The following MYO1H variants were observed in gnomAD, a reference collection of about 807,000 sequenced individuals.
MYO1H encodes the protein unconventional myosin-Ih.
In MYO1H, 118 loss-of-function variants were observed where a neutral mutation model predicts 149.3. The observed-to-expected ratio is 0.79, with a 90% CI of 0.68 to 0.92. MYO1H has a LOEUF of 0.92. Among genes scored for constraint, MYO1H ranks in the 40% least tolerant of loss-of-function variants. The pLI, the probability that MYO1H is intolerant of heterozygous loss-of-function variation, is 0.00. For missense variants in MYO1H, 1,212 were observed against 1,280.7 expected (o/e 0.95, Z 0.82); for synonymous variants, 447 against 465.2 (o/e 0.96, Z 0.50).
rs761313741 is a variant in MYO1H, at chr12:109,445,552, A to G, written c.3033A>G (p.Ile1011Met). The G allele has an allele frequency of 1.2e-5, 19 of 1,612,942 alleles. No homozygotes were observed. The Middle Eastern group carries it at 8.3e-4, about 70-fold the overall frequency. Residue 1011 changes from isoleucine to methionine, a missense_variant, in exon 31 of 32, where the codon ATA (isoleucine) becomes ATG (methionine). By Grantham distance (10) the Ile-to-Met change is conservative (BLOSUM62 1). Coordinates refer to ENST00000310903, the Ensembl canonical transcript of MYO1H. ...TTAGTCCGGGAAAAGAAGGCACAAT[A>G]GTTTTCGACACTGGACTGGAAGAAC...
intron 15 of MYO1H, among the ~76,000 whole-genome samples, chr12:109,417,107 GT>G (rs1009190844): frequency 6.6e-6 from 1 of 152,136 alleles, no homozygotes; most frequent in African/African-American, 2.4e-5. Context: ...GGAGGCAGAG[GT>G]TGCAGTGAGC....
chr12:109,380,540 G>A (rs2137024705), intron 1 of MYO1H, among the ~76,000 whole-genome samples: 1 of 152,330 alleles, frequency 6.6e-6, no homozygotes, highest in East Asian at 1.9e-4. Context: ...TGGTGACAGT[G>A]TTGGTATTAT....
At chr12:109,310,587 A>G in the MYO1H span, among the ~76,000 whole-genome samples, 1 of 148,796 alleles carries the variant, frequency 6.7e-6, no homozygotes, top group Non-Finnish European at 1.5e-5. Context: ...CAGGCAGGGG[A>G]CCAGTGTCCC....
At chr12:109,367,269 A>G (rs917699188) in intron 1 of MYO1H, among the ~76,000 whole-genome samples, 1 of 152,224 alleles carries the variant, frequency 6.6e-6, no homozygotes, top group Non-Finnish European at 1.5e-5. Flanking sequence ...CAAATGAAAG[A>G]CAAAAATAAG....
At chr12:109,443,297 T>TAC (rs1197626242) in intron 27 of MYO1H, among the ~76,000 whole-genome samples, 1 of 146,000 alleles carries the variant, frequency 6.8e-6, no homozygotes, top group African/African-American at 2.5e-5. Flanking sequence ...TATATATGTG[T>TAC]GTATATATGT....
rs559303184 is a variant in MYO1H at position 109,369,313 on chromosome 12, A to G, written c.13-19370A>G. Among the ~76,000 whole-genome samples the G allele has an allele frequency of 1.4e-3, 219 of 152,290 alleles. 1 individual carries two copies. Among genetic ancestry groups the G allele is most frequent in the African/African-American group, 5.1e-3 (211 of 41,568 alleles). On this transcript the variant is annotated intron_variant, in intron 1 of 31. Transcript: ENST00000310903. ...ATATGTACCAAATTTTCTCTATCCAAGAGAATATATTGCTAAGGAAGAAAA... is the reference window on the plus strand; with the variant it reads ...ATATGTACCAAATTTTCTCTATCCAGGAGAATATATTGCTAAGGAAGAAAA...
chr12:109,317,883 G>A, the MYO1H span, among the ~76,000 whole-genome samples: 1 of 152,164 alleles, frequency 6.6e-6, no homozygotes, highest in South Asian at 2.1e-4. Flanking sequence ...TAGAGGTGCT[G>A]TGCAACTGGT....
chr12:109,410,897 T>G (rs1870634841), intron 13 of MYO1H, 129 bp downstream of exon 13: 1 of 643,198 alleles, frequency 1.6e-6, no homozygotes, highest in Non-Finnish European at 2.7e-6. Flanking sequence ...ATTCCAACAC[T>G]TTGGGAGGCC....
At chr12:109,380,520 G>A (rs888768554) in intron 1 of MYO1H, among the ~76,000 whole-genome samples, 3 of 152,192 alleles carry the variant, frequency 2.0e-5, no homozygotes, top group Non-Finnish European at 4.4e-5. Flanking sequence ...ATGGTTTTCA[G>A]TAATCCCACT....
intron 31 of MYO1H, chr12:109,446,545 C>T: frequency 1.3e-6 from 1 of 761,668 alleles, no homozygotes; most frequent in Non-Finnish European, 1.6e-6. Flanking sequence ...GGGCAGATCA[C>T]CTGAGGTCAG....
At chr12:109,442,354 G>A (rs147168024) in intron 27 of MYO1H, 82 bp downstream of exon 27, 57 of 1,247,840 alleles carry the variant, frequency 4.6e-5, no homozygotes, top group African/African-American at 1.2e-4. Context: ...CATAAAGGGC[G>A]CACTATTTAA....
At chr12:109,433,399 A>G (rs1871723372) in intron 20 of MYO1H, among the ~76,000 whole-genome samples, 1 of 152,236 alleles carries the variant, frequency 6.6e-6, no homozygotes, top group African/African-American at 2.4e-5. Flanking sequence ...GTAGCATCTC[A>G]GAAATGGTGT....
At position 109,434,138 on chromosome 12, in the gene MYO1H, T is replaced by C. The variant is rs575163210; in HGVS notation, c.2064-899T>C. 1.8e-3 allele frequency among the ~76,000 whole-genome samples: 274 copies of C among 152,126 alleles called. 1 individual carries two copies. Among genetic ancestry groups the C allele is most frequent in the Admixed American group, 5.2e-3 (79 of 15,282 alleles). ...GATTCTCCTGCCTTAGCCTCTCGAG[T>C]AGCTGGGATTACAGGTGCACACTAC... is the stretch of plus-strand genomic sequence containing the variant. On this transcript the variant is annotated intron_variant, in intron 20 of 31. Coordinates refer to ENST00000310903, the Ensembl canonical transcript of MYO1H.
In MYO1H at chr12:109,443,608, TTGCCAAAATCAAGCAGAAAATAGAG is replaced by T. The variant is rs777110630; in HGVS notation, c.2785_2809del (p.Ala929ThrfsTer12). On this transcript the variant is annotated frameshift_variant, in exon 28 of 32. Transcript: ENST00000310903. LOFTEE classifies it high-confidence loss of function. ...CAGAAAGCAGCTTACGTGGTGGAAC[TTGCCAAAATCAAGCAGAAAATAGAG>T]TACTCAGCTCTCAAAGGTAAGAAGT... The T allele has an allele frequency of 1.4e-4, 219 of 1,613,626 alleles. No individual in the cohort carries two copies. The highest frequency in any genetic ancestry group is 1.7e-4 in the Non-Finnish European group (205 of 1,179,846).
chr12:109,361,742 G>C (rs576664572), intron 1 of MYO1H, among the ~76,000 whole-genome samples: 2 of 149,486 alleles, frequency 1.3e-5, no homozygotes, highest in Admixed American at 1.4e-4. Flanking sequence ...TCAGGAGGTC[G>C]AGGTTGCAGT....
chr12:109,425,690 C>T (rs963587464), intron 17 of MYO1H, among the ~76,000 whole-genome samples: 1 of 152,178 alleles, frequency 6.6e-6, no homozygotes. Flanking sequence ...GCACTCACCA[C>T]GTCTTTGCTG....
At chr12:109,447,988 C>T (rs976423504) in exon 32 of MYO1H, 2 of 152,200 alleles carry the variant, frequency 1.3e-5, no homozygotes, top group African/African-American at 2.4e-5. Context: ...GGAGGGGCTC[C>T]GTATAATCTC....
chr12:109,363,389 CTG>C (rs1054410061), intron 1 of MYO1H, among the ~76,000 whole-genome samples: 1 of 152,154 alleles, frequency 6.6e-6, no homozygotes, highest in Non-Finnish European at 1.5e-5. Flanking sequence ...AGAAATCTAG[CTG>C]TGTCTTCCAC....
rs368627459 is a variant in MYO1H, at chr12:109,442,237, A to G, written c.2653A>G (p.Lys885Glu). ...TCTAGATGAAGGAGACATTAATCCG[A>G]AAGTGCTTCAGCTAATTAGCCATGA... is the stretch of plus-strand genomic sequence containing the variant. The change falls in exon 27 of 32, where the codon AAA becomes GAA. Residue 885 changes from lysine to glutamate, a missense_variant. Lys to Glu is a moderately conservative substitution (Grantham distance 56). Transcript: ENST00000310903. The G allele has an allele frequency of 1.9e-5, 31 of 1,613,876 alleles. No individual in the cohort carries two copies. The African/African-American group carries it at 3.7e-4, about 19-fold the overall frequency.
Sources: gnomAD v4.1 joint callset for allele counts (sites outside exome capture counted in the v4.1 genomes callset) on GRCh38, gnomAD v4.1.1 for gene constraint, MANE v1.5 for transcripts, NCBI Gene and HGNC (gene_info 2026-07-23, HGNC 2026-07-21) for gene names.